The following PNLDC1 variants were observed in gnomAD, a reference collection of about 807,000 sequenced individuals.
The protein encoded by PNLDC1 is PARN like ribonuclease domain containing exonuclease 1.
Under a neutral mutation model 82.0 loss-of-function variants are expected in PNLDC1, and 70 were observed. The ratio of observed to expected loss-of-function variants is 0.85; its 90% CI spans 0.70 to 1.04. PNLDC1 has a LOEUF of 1.04. Among genes scored for constraint, PNLDC1 ranks in the 50% least tolerant of loss-of-function variants. The pLI is 0.00. For missense variants in PNLDC1, 631 were observed against 661.1 expected, an observed-to-expected ratio of 0.95 and a Z score of 0.50; for synonymous variants, 280 against 249.3, an observed-to-expected ratio of 1.12 and a Z score of -1.16.
chr6:159,799,566 T>C (rs907222442), upstream of PNLDC1, among the ~76,000 whole-genome samples: 1 of 152,188 alleles, frequency 6.6e-6, no homozygotes, highest in South Asian at 2.1e-4. Flanking sequence ...AAGCCTAGAA[T>C]TCAAGGGAGG....
chr6:159,816,644 T>G, intron 14 of PNLDC1, 48 bp downstream of exon 14: 1 of 1,525,994 alleles, frequency 6.6e-7, no homozygotes, highest in Non-Finnish European at 9.0e-7. Flanking sequence ...TTTTTTTTTT[T>G]TTTCTGAGAC....
chr6:159,802,774 G>A (rs1376880342), intron 3 of PNLDC1, among the ~76,000 whole-genome samples: 3 of 152,042 alleles, frequency 2.0e-5, no homozygotes, highest in African/African-American at 7.3e-5. Context: ...GTAGAGACAG[G>A]GTTTCACCAT....
intron 10 of PNLDC1, among the ~76,000 whole-genome samples, chr6:159,811,160 T>C (rs1187536075): frequency 6.6e-6 from 1 of 152,066 alleles, no homozygotes; most frequent in African/African-American, 2.4e-5. Flanking sequence ...GTGGTTGCCT[T>C]TGGGGAGTAG....
chr6:159,811,766 G>A lies in PNLDC1; in HGVS notation c.919G>A (p.Val307Ile). The A allele has an allele frequency of 6.2e-7, 1 of 1,611,688 alleles. No homozygotes were observed. Among genetic ancestry groups the A allele is most frequent in the Non-Finnish European group, 8.5e-7 (1 of 1,177,840 alleles). ...LFPVLIDTKS[V>I]TKDIWKEMNF... is the part of the protein sequence containing the mutation. ...TCCTGTTCTCATTGATACCAAGAGTGTAACAAAGGATATCTGGAAGGTAAT... is the reference window on the plus strand; with the variant it reads ...TCCTGTTCTCATTGATACCAAGAGTATAACAAAGGATATCTGGAAGGTAAT... Residue 307 changes from valine to isoleucine, a missense_variant, in exon 11 of 19, where the codon GTA becomes ATA. By Grantham distance (29) the Val-to-Ile change is conservative. Coordinates refer to ENST00000392167, the MANE Select transcript of PNLDC1 (RefSeq NM_001271862.2).
Position 159,806,888 on chromosome 6 carries a change from C to CT in PNLDC1, c.562+825dup, listed in dbSNP as rs34866272. On this transcript the variant is annotated intron_variant, in intron 7 of 18. Coordinates refer to ENST00000392167, the MANE Select transcript of PNLDC1 (RefSeq NM_001271862.2). ...GTCTTTTGAGAGCTGAATTAGCTGC[C>CT]TTTTTTTTTTTTTTTTTTTTGAAGA... Among the ~76,000 whole-genome samples, 713 of 107,716 alleles carry CT rather than the reference C, an allele frequency of 6.6e-3. 7 individuals are homozygous for CT. Among genetic ancestry groups the CT allele is most frequent in the East Asian group, 0.028 (113 of 4,046 alleles). 70.7% of individuals were successfully genotyped at this position (107,716 alleles called of 152,430 possible). A position where few individuals can be genotyped will look rare whatever the true frequency, so the allele number is the denominator to read the frequency against.
intron 10 of PNLDC1, 144 bp downstream of exon 10, chr6:159,810,239 G>A: frequency 1.4e-6 from 1 of 695,040 alleles, no homozygotes. Flanking sequence ...TTTGGGCAGA[G>A]GCCTGTACTC....
chr6:159,815,997 C>A lies in PNLDC1; in HGVS notation c.1024C>A (p.Pro342Thr). The A allele has an allele frequency of 6.2e-7, 1 of 1,613,492 alleles. No homozygotes were observed. Among genetic ancestry groups the A allele is most frequent in the African/African-American group, 1.3e-5 (1 of 74,906 alleles). Residue 342 changes from proline (P) to threonine (T), a missense_variant, in exon 13 of 19, where the codon CCA becomes ACA. Transcript: ENST00000392167. The part of the protein sequence containing the change: ...SDLNPTKNSG[P>T]EIVHASRCEK... ...CTTGAATCCCACCAAGAATTCTGGA[C>A]CAGAGATTGTTCACGCGAGCAGGTG...
At chr6:159,820,282 C>T (rs1781993799) in intron 18 of PNLDC1, among the ~76,000 whole-genome samples, 172 bp from the exon 19 acceptor site, 1 of 152,130 alleles carries the variant, frequency 6.6e-6, no homozygotes, top group African/African-American at 2.4e-5. Flanking sequence ...CGGTTTGCAT[C>T]CCAGAGCCAG....
chr6:159,803,421 T>A, intron 4 of PNLDC1, 111 bp downstream of exon 4: 1 of 929,288 alleles, frequency 1.1e-6, no homozygotes, highest in Non-Finnish European at 1.7e-6. Flanking sequence ...GGATCTTCCG[T>A]ATTCTCTCCT....
rs1466522372 is a variant in PNLDC1 at position 159,819,843 on chromosome 6, C to T, written c.1532+491C>T. 2.0e-5 allele frequency among the ~76,000 whole-genome samples: 3 copies of T among 151,930 alleles called. No homozygotes were observed. The highest frequency in any genetic ancestry group is 2.0e-4 in the Admixed American group (3 of 15,250). On this transcript the variant is annotated intron_variant, in intron 18 of 18. Coordinates refer to ENST00000392167, the MANE Select transcript of PNLDC1 (RefSeq NM_001271862.2). The surrounding 1 kb of genome is among the most constrained non-coding windows in gnomAD (Gnocchi z 4.6). ...GGAGAGGCCATTGTGAGCAAAACAGCAAGGAGGGGGATGCAGGAGAAGGAA... is the reference window on the plus strand; with the variant it reads ...GGAGAGGCCATTGTGAGCAAAACAGTAAGGAGGGGGATGCAGGAGAAGGAA...
intron 6 of PNLDC1, 76 bp downstream of exon 6, chr6:159,804,713 T>C: frequency 9.0e-7 from 1 of 1,113,396 alleles, no homozygotes; most frequent in South Asian, 1.4e-5. Flanking sequence ...GGGCGTGCCG[T>C]TTCCAGGAGT....
At chr6:159,804,125 G>A (rs772346438) in intron 5 of PNLDC1, 37 bp downstream of exon 5, 2 of 1,606,276 alleles carry the variant, frequency 1.2e-6, no homozygotes, top group African/African-American at 1.3e-5. Flanking sequence ...AATGTCTTTT[G>A]TTTGTTTCTG....
intron 3 of PNLDC1, 30 bp downstream of exon 3, chr6:159,801,216 T>C: frequency 6.3e-7 from 1 of 1,589,428 alleles, no homozygotes; most frequent in Non-Finnish European, 8.6e-7. Context: ...TTAGAGTTTT[T>C]CAAGAAGGTA....
At position 159,818,997 on chromosome 6, in the gene PNLDC1, A is replaced by C. The variant is rs140022854; in HGVS notation, c.1309A>C (p.Ser437Arg). 2.5e-6 allele frequency: 4 copies of C among 1,613,898 alleles called. No individual in the cohort carries two copies. In the African/African-American group the frequency reaches 4.0e-5, roughly 16 times the overall value. ...TATCCGACCTCCCATCCTCATCCTC[A>C]GCGTCAAAAGGTGGCCTGGGGTCAG... Reference protein sequence around the residue: ...PSIRPPILILSVKRWPGVSEQ... With the variant: ...PSIRPPILILRVKRWPGVSEQ... The change falls in exon 17 of 19, where the codon AGC becomes CGC. Residue 437 changes from serine to arginine, a missense_variant. Transcript: ENST00000392167.
In PNLDC1 at chr6:159,804,606, G is replaced by T; in HGVS notation, c.430G>T (p.Asp144Tyr). The T allele has an allele frequency of 6.2e-7, 1 of 1,611,130 alleles. No individual in the cohort carries two copies. Among genetic ancestry groups the T allele is most frequent in the South Asian group, 1.1e-5 (1 of 90,976 alleles). The change falls in exon 6 of 19, where the codon GAT becomes TAT. Residue 144 changes from aspartate to tyrosine, a missense_variant. By Grantham distance (160) the Asp-to-Tyr change is radical (BLOSUM62 -3). Coordinates refer to ENST00000392167, the MANE Select transcript of PNLDC1 (RefSeq NM_001271862.2). The part of the protein sequence containing the change: ...NEEQEKKIRH[D>Y]ILTGNWRVRS... ...AGAACAGGAGAAGAAAATTAGACACGATATCCTGACTGGGAACTGGAGAGT... is the reference window on the plus strand; with the variant it reads ...AGAACAGGAGAAGAAAATTAGACACTATATCCTGACTGGGAACTGGAGAGT...
At chr6:159,802,969 T>G (rs1380619647) in intron 3 of PNLDC1, among the ~76,000 whole-genome samples, 1 of 152,146 alleles carries the variant, frequency 6.6e-6, no homozygotes, top group East Asian at 1.9e-4. Flanking sequence ...TATATAAATC[T>G]TAATGGTTTT....
At chr6:159,810,585 CATT>C (rs1478265790) in intron 10 of PNLDC1, among the ~76,000 whole-genome samples, 1 of 152,106 alleles carries the variant, frequency 6.6e-6, no homozygotes, top group Non-Finnish European at 1.5e-5. Flanking sequence ...TGGTTGATTC[CATT>C]ATTGGACATT....
intron 1 of PNLDC1, 147 bp downstream of exon 1, chr6:159,800,530 G>A: frequency 7.6e-7 from 1 of 1,308,616 alleles, no homozygotes; most frequent in Non-Finnish European, 1.0e-6. Context: ...CCAGCCCCGG[G>A]GCGGTGGGAC....
intron 14 of PNLDC1, 47 bp from the exon 15 acceptor site, chr6:159,817,062 C>T: frequency 7.1e-6 from 11 of 1,541,800 alleles, no homozygotes; most frequent in Middle Eastern, 1.7e-4. Context: ...CATAAGCATG[C>T]ACATTTTGAT....
Sources: allele counts gnomAD v4.1 joint callset (sites outside exome capture counted in the v4.1 genomes callset), GRCh38; gene constraint gnomAD v4.1.1; non-coding constraint Gnocchi (gnomAD v3.1); transcripts MANE v1.5; gene names NCBI Gene and HGNC (gene_info 2026-07-23, HGNC 2026-07-21).